Variants in KCNJ9 observed in about 807,000 individuals in gnomAD.
KCNJ9 encodes the protein potassium inwardly rectifying channel subfamily J member 9, also known as G protein-activated inward rectifier potassium channel 3.
A neutral mutation model predicts 27.9 loss-of-function variants in KCNJ9; 18 were observed. The observed-to-expected ratio is 0.65, with a 90% CI of 0.45 to 0.96. KCNJ9 has a LOEUF of 0.96. KCNJ9 is among the 40% of genes least tolerant of loss of function. The pLI, the probability that KCNJ9 is intolerant of heterozygous loss-of-function variation, is 0.00. For synonymous variants in KCNJ9, 229 were observed against 248.2 expected, an observed-to-expected ratio of 0.92 and a Z score of 0.73; for missense variants, 324 against 557.5, an observed-to-expected ratio of 0.58 and a Z score of 4.22.
rs199706746 is a variant in KCNJ9 at position 160,087,550 on chromosome 1, G to A, written c.915G>A (p.Thr305=). The A allele has an allele frequency of 1.3e-4, 210 of 1,613,828 alleles. No individual in the cohort carries two copies. The East Asian group carries it at 4.0e-3, about 31-fold the overall frequency. ...AGGTGCTGTGGGGCCACCGCTTCAC[G>A]TCAGTGCTGACTCTGGAGGACGGCT... ...VDEVLWGHRF[T]SVLTLEDGFY... is the part of the protein sequence containing the mutation. Residue 305 remains threonine, a synonymous_variant, in exon 3 of 3, where the codon ACG becomes ACA. Transcript: ENST00000368088.
At chr1:160,087,105 C>A (rs573552349) in intron 2 of KCNJ9, among the ~76,000 whole-genome samples, 2 of 152,308 alleles carry the variant, frequency 1.3e-5, no homozygotes, top group Admixed American at 1.3e-4. Context: ...GGTGAGCTAT[C>A]AATCCTGGGA....
intron 1 of KCNJ9, among the ~76,000 whole-genome samples, chr1:160,083,060 C>G (rs996166757): frequency 1.3e-5 from 2 of 152,160 alleles, no homozygotes; most frequent in Non-Finnish European, 2.9e-5. Context: ...TTCCATGTCT[C>G]TCATGAAGAA....
At chr1:160,085,104 G>T (rs11587172) in intron 2 of KCNJ9, among the ~76,000 whole-genome samples, 51,941 of 152,148 alleles carry the variant, frequency 0.34, 9,004 homozygotes, top group African/African-American at 0.38. Flanking sequence ...TGGCACTGGC[G>T]TGGGGCCCTG....
At chr1:160,084,967 G>C in intron 2 of KCNJ9, 87 bp downstream of exon 2, 1 of 1,387,782 alleles carries the variant, frequency 7.2e-7, no homozygotes, top group Non-Finnish European at 9.6e-7. Context: ...GGCCAGGGGA[G>C]CTGGGGAGGA....
intron 1 of KCNJ9, among the ~76,000 whole-genome samples, chr1:160,083,155 C>T (rs1284319145): frequency 6.6e-6 from 1 of 152,142 alleles, no homozygotes. Flanking sequence ...TTCCAGTTCC[C>T]CTCCCCATTT....
intron 2 of KCNJ9, among the ~76,000 whole-genome samples, chr1:160,085,841 C>G (rs1026994252): frequency 1.8e-4 from 27 of 152,340 alleles, no homozygotes; most frequent in Non-Finnish European, 3.7e-4. Flanking sequence ...CTGATGCTCC[C>G]TGCCGGCTTC....
intron 2 of KCNJ9, among the ~76,000 whole-genome samples, chr1:160,086,680 T>G (rs1310415102): frequency 6.6e-6 from 1 of 152,210 alleles, no homozygotes; most frequent in Non-Finnish European, 1.5e-5. Flanking sequence ...AGCAATGTGA[T>G]GCAGCCTCCA....
rs1329938690 is a variant in KCNJ9, at chr1:160,084,324, G to T, written c.294G>T (p.Thr98=). 2 of 1,613,380 alleles carry T rather than the reference G, an allele frequency of 1.2e-6. No individual in the cohort carries two copies. Among genetic ancestry groups the T allele is most frequent in the Non-Finnish European group, 1.7e-6 (2 of 1,179,980 alleles). The change falls in exon 2 of 3, where the codon ACG becomes ACT. Residue 98 remains threonine, a synonymous_variant. Transcript: ENST00000368088. ...AGCACCTGGAGGACACCGCGTGGAC[G>T]CCGTGCGTCAACAACCTCAACGGCT... The part of the protein sequence containing the change: ...DLEHLEDTAW[T]PCVNNLNGFV...
chr1:160,083,933 G>GA lies in KCNJ9; in HGVS notation c.-97dup. ...TTTATTAAGCCCCTCCAGGACCCCC[G>GA]ACGCCGCCTAGGCGCCCAGCGACGC... is the stretch of plus-strand genomic sequence containing the variant. On this transcript the variant is annotated 5_prime_UTR_variant, in exon 2 of 3. The change creates a premature stop within an existing upstream ORF in the 5' untranslated region. Coordinates refer to ENST00000368088, the MANE Select transcript of KCNJ9 (RefSeq NM_004983.3). 2.7e-6 allele frequency: 3 copies of GA among 1,126,528 alleles called. No homozygotes were observed. The South Asian group carries it at 1.3e-4, about 51-fold the overall frequency. The allele number at this position is 1,126,528 out of a possible 1,614,324, so 69.8% of individuals were successfully genotyped here.
At position 160,087,066 on chromosome 1, in the gene KCNJ9, C is replaced by T. The variant is rs58941989; in HGVS notation, c.851-420C>T. 1.8e-3 allele frequency among the ~76,000 whole-genome samples: 273 copies of T among 152,324 alleles called. 2 individuals are homozygous for T. Among genetic ancestry groups the T allele is most frequent in the African/African-American group, 6.2e-3 (259 of 41,560 alleles). On this transcript the variant is annotated intron_variant, in intron 2 of 2. Coordinates refer to ENST00000368088, the MANE Select transcript of KCNJ9 (RefSeq NM_004983.3). ...AGAACAACCCAACTATTAGAGCTAT[C>T]ATACAAAGGAGTGGGCCCTTTATGA...
At chr1:160,082,177 C>T (rs1383733912) in intron 1 of KCNJ9, among the ~76,000 whole-genome samples, 1 of 152,222 alleles carries the variant, frequency 6.6e-6, no homozygotes, top group Admixed American at 6.5e-5. Flanking sequence ...GGCAAGCCGA[C>T]TGGGGGTCAG....
chr1:160,082,115 G>T (rs1000548338), intron 1 of KCNJ9, among the ~76,000 whole-genome samples: 5 of 152,238 alleles, frequency 3.3e-5, no homozygotes, highest in Admixed American at 6.5e-5. Flanking sequence ...AGTTCTGGGG[G>T]TGATCCGACA....
At chr1:160,085,938 T>C (rs1649770191) in intron 2 of KCNJ9, among the ~76,000 whole-genome samples, 1 of 152,178 alleles carries the variant, frequency 6.6e-6, no homozygotes, top group African/African-American at 2.4e-5. Context: ...TCCGCATCAC[T>C]GTTCCCATTC....
Position 160,084,434 on chromosome 1 carries a change from G to A in KCNJ9, c.404G>A (p.Gly135Asp). 2 of 1,613,606 alleles carry A rather than the reference G, an allele frequency of 1.2e-6. No individual in the cohort carries two copies. The highest frequency in any genetic ancestry group is 1.7e-6 in the Non-Finnish European group (2 of 1,179,870). The change falls in exon 2 of 3, where the codon GGC becomes GAC. Residue 135 changes from glycine to aspartate, a missense_variant. By Grantham distance (94) the Gly-to-Asp change is moderately conservative. Coordinates refer to ENST00000368088, the MANE Select transcript of KCNJ9 (RefSeq NM_004983.3). ...HRVITDQCPEGIVLLLLQAIL... is the reference protein window; with the variant it reads ...HRVITDQCPEDIVLLLLQAIL... ...GTCATCACCGACCAGTGCCCCGAGG[G>A]CATCGTGCTGCTGCTGCTGCAGGCC... is the stretch of plus-strand genomic sequence containing the variant.
At chr1:160,086,992 T>C (rs79862033) in intron 2 of KCNJ9, among the ~76,000 whole-genome samples, 3,182 of 152,250 alleles carry the variant, frequency 0.021, 36 homozygotes, top group Middle Eastern at 0.058. Flanking sequence ...GGGAGGGGAA[T>C]GAAGCCAAGA....
chr1:160,089,604 A>G lies in KCNJ9; in HGVS notation c.*1787A>G, dbSNP rs541194202. ...GTGTCTGCAGCCTGCTGTCAGCCCAATTGGGCCAGGGGGTCCCAAAGACGC... is the reference window on the plus strand; with the variant it reads ...GTGTCTGCAGCCTGCTGTCAGCCCAGTTGGGCCAGGGGGTCCCAAAGACGC... On this transcript the variant is annotated 3_prime_UTR_variant, in exon 3 of 3. Coordinates refer to ENST00000368088, the MANE Select transcript of KCNJ9 (RefSeq NM_004983.3). 10 of 152,356 alleles carry G rather than the reference A, an allele frequency of 6.6e-5. No homozygotes were observed. Among genetic ancestry groups the G allele is most frequent in the Admixed American group, 3.9e-4 (6 of 15,306 alleles). 9.4% of individuals were successfully genotyped at this position (152,356 alleles called of 1,614,324 possible).
At chr1:160,081,840 G>A (rs1300864353) in intron 1 of KCNJ9, 143 bp downstream of exon 1, 2 of 152,212 alleles carry the variant, frequency 1.3e-5, no homozygotes, top group Non-Finnish European at 2.9e-5. Context: ...GCTCTCTAGA[G>A]GGAGGAAGAG....
At chr1:160,083,684 AAAATCATCG>A (rs1649723793) in intron 1 of KCNJ9, among the ~76,000 whole-genome samples, 1 of 152,194 alleles carries the variant, frequency 6.6e-6, no homozygotes, top group Non-Finnish European at 1.5e-5. Context: ...CCTTCCCCTG[AAAATCATCG>A]TGGAACTTGC....
Position 160,084,584 on chromosome 1 carries a change from G to T in KCNJ9, c.554G>T (p.Arg185Leu), listed in dbSNP as rs528547664. 6.2e-7 allele frequency: 1 copy of T among 1,610,232 alleles called. No homozygotes were observed. Among genetic ancestry groups the T allele is most frequent in the South Asian group, 1.1e-5 (1 of 90,678 alleles). ...GCCGTGGTGTCGCTGCGCGACGGGC[G>T]CCTCTGCCTCATGTTCCGCGTGGGC... Reference protein sequence around the residue: ...SHAVVSLRDGRLCLMFRVGDL... With the variant: ...SHAVVSLRDGLLCLMFRVGDL... The change falls in exon 2 of 3, where the codon CGC (arginine) becomes CTC (leucine). Residue 185 changes from arginine to leucine, a missense_variant. Arg to Leu is a moderately radical substitution (Grantham distance 102). Coordinates refer to ENST00000368088, the MANE Select transcript of KCNJ9 (RefSeq NM_004983.3).
Sources: allele counts gnomAD v4.1 joint callset (sites outside exome capture counted in the v4.1 genomes callset), GRCh38; gene constraint gnomAD v4.1.1; transcripts MANE v1.5; gene names NCBI Gene and HGNC (gene_info 2026-07-23, HGNC 2026-07-21).